EDA: variants seen among roughly 807,000 people sequenced by gnomAD.
EDA encodes ectodysplasin-A.
EDA carries 2 observed loss-of-function variants against 23.6 expected under a neutral mutation model. The observed-to-expected ratio is 0.08, with a 90% CI of 0.03 to 0.27. EDA has a LOEUF of 0.27. EDA is among the 10% of genes least tolerant of loss of function. EDA has a pLI of 1.00. For missense variants in EDA, 229 were observed against 324.2 expected (o/e 0.71, Z 2.26); for synonymous variants, 131 against 132.0 (o/e 0.99, Z 0.05).
At chrX:69,895,365 C>T (rs1260814097) in intron 1 of EDA, among the ~76,000 whole-genome samples, 2 of 103,563 alleles carry the variant, frequency 1.9e-5, no homozygotes, top group Admixed American at 2.1e-4. Context: ...TCCTCCTCAC[C>T]CCATCCCTTC....
intron 1 of EDA, among the ~76,000 whole-genome samples, chrX:69,903,668 T>C (rs1430818938): frequency 9.1e-6 from 1 of 109,803 alleles, no homozygotes; most frequent in Non-Finnish European, 1.9e-5. Context: ...TTTTTCTGCT[T>C]TGAAGCCACA....
intron 2 of EDA, among the ~76,000 whole-genome samples, chrX:69,983,165 T>C (rs1413238981): frequency 0.025 from 1,400 of 56,844 alleles, 21 homozygotes; most frequent in Non-Finnish European, 0.035. Context: ...GCACGTGAGA[T>C]GAGTTTCCTG....
chrX:69,960,175 T>C (rs1291796809), intron 2 of EDA, among the ~76,000 whole-genome samples: 1 of 111,401 alleles, frequency 9.0e-6, no homozygotes, highest in Non-Finnish European at 1.9e-5. Flanking sequence ...GAAGAATCTT[T>C]AGGAGAGTAT....
At chrX:69,838,162 T>C (rs2016819473) in intron 1 of EDA, among the ~76,000 whole-genome samples, 1 of 112,636 alleles carries the variant, frequency 8.9e-6, no homozygotes, top group Non-Finnish European at 1.9e-5. Context: ...GAACTCTGTT[T>C]CATCTACTGT....
intron 3 of EDA, among the ~76,000 whole-genome samples, chrX:70,024,033 G>C (rs1009817944): frequency 8.9e-6 from 1 of 112,156 alleles, no homozygotes; most frequent in Non-Finnish European, 1.9e-5. Flanking sequence ...ACAGGGCCAG[G>C]CAATATGGTC....
At chrX:69,873,091 C>T (rs2017591315) in intron 1 of EDA, among the ~76,000 whole-genome samples, 1 of 111,817 alleles carries the variant, frequency 8.9e-6, no homozygotes, top group Non-Finnish European at 1.9e-5. Flanking sequence ...ACTCCAAAAG[C>T]AACCCTCAAA....
At chrX:69,876,904 A>C (rs1178615130) in intron 1 of EDA, among the ~76,000 whole-genome samples, 1 of 112,735 alleles carries the variant, frequency 8.9e-6, no homozygotes, top group African/African-American at 3.2e-5. Context: ...ACATTTATTT[A>C]TGGGGTTTTG....
chrX:69,839,364 A>G (rs150505738), intron 1 of EDA, among the ~76,000 whole-genome samples: 162 of 111,678 alleles, frequency 1.5e-3, no homozygotes, highest in African/African-American at 5.1e-3. Flanking sequence ...TTCCTACCCT[A>G]TATCCCCAGC....
Position 70,023,253 on chromosome X carries a change from A to G in EDA, c.526+12A>G. 2 of 1,112,125 alleles carry G rather than the reference A, an allele frequency of 1.8e-6. No homozygotes were observed. Among genetic ancestry groups the G allele is most frequent in the South Asian group, 1.9e-5 (1 of 52,094 alleles). 91.7% of individuals were successfully genotyped at this position (1,112,125 alleles called of 1,213,427 possible). ...AAACAAGAAAAAGGGTAAGTTCCTG[A>G]CTTTATAAAATTGCTGTCTTGTCAT... On this transcript the variant is annotated intron_variant, in intron 3 of 7. Coordinates refer to ENST00000374552, the MANE Select transcript of EDA (RefSeq NM_001399.5).
chrX:69,622,495 G>A (rs1399635918), intron 1 of EDA, among the ~76,000 whole-genome samples: 1 of 111,795 alleles, frequency 8.9e-6, no homozygotes, highest in African/African-American at 3.3e-5. Context: ...TGTTTATTAT[G>A]CATTTGCATA....
intron 1 of EDA, among the ~76,000 whole-genome samples, chrX:69,679,163 G>A (rs1172549309): frequency 1.8e-5 from 2 of 109,279 alleles, no homozygotes; most frequent in African/African-American, 6.7e-5. Flanking sequence ...TGCATCCCAG[G>A]GATGAAGCCC....
intron 1 of EDA, among the ~76,000 whole-genome samples, chrX:69,855,946 T>A: frequency 9.0e-6 from 1 of 110,884 alleles, no homozygotes; most frequent in Non-Finnish European, 1.9e-5. Flanking sequence ...TTTGGTTACG[T>A]GGATAAGTCC....
intron 1 of EDA, chrX:69,743,050 A>T (rs774955081): frequency 9.0e-6 from 1 of 111,026 alleles, no homozygotes; most frequent in African/African-American, 3.3e-5. Context: ...CCCACCGGTT[A>T]AGGCAAGTCA....
At chrX:69,942,792 T>G (rs1014863762) in intron 1 of EDA, among the ~76,000 whole-genome samples, 1 of 111,376 alleles carries the variant, frequency 9.0e-6, no homozygotes, top group Non-Finnish European at 1.9e-5. Context: ...TGCCCTGATC[T>G]CTCTCTATCT....
At chrX:69,874,438 C>T (rs771478841) in intron 1 of EDA, among the ~76,000 whole-genome samples, 60 of 112,217 alleles carry the variant, frequency 5.3e-4, no homozygotes, top group African/African-American at 1.7e-3. Context: ...TGACAAAATC[C>T]ATCATCCCTT....
chrX:69,787,968 T>G (rs1348060074), intron 1 of EDA, among the ~76,000 whole-genome samples: 1 of 111,790 alleles, frequency 8.9e-6, no homozygotes, highest in Non-Finnish European at 1.9e-5. Context: ...TAGTCCCATA[T>G]TTCTTGGAGG....
chrX:69,618,102 T>A (rs1181887526), intron 1 of EDA, among the ~76,000 whole-genome samples: 1 of 111,797 alleles, frequency 8.9e-6, no homozygotes, highest in African/African-American at 3.3e-5. Flanking sequence ...ACTCCTTTAT[T>A]TATCTACTGC....
chrX:69,803,749 G>C (rs1025543834), intron 1 of EDA, among the ~76,000 whole-genome samples: 5 of 110,031 alleles, frequency 4.5e-5, no homozygotes, highest in African/African-American at 1.6e-4. Context: ...TAGAATACTA[G>C]AACTTATTCT....
intron 1 of EDA, among the ~76,000 whole-genome samples, chrX:69,682,642 G>A (rs921186600): frequency 3.4e-4 from 38 of 111,918 alleles, no homozygotes; most frequent in Admixed American, 3.1e-3. Flanking sequence ...TGACCCCTTG[G>A]GCTTCCCGAG....
Sources: allele counts gnomAD v4.1 joint callset (sites outside exome capture counted in the v4.1 genomes callset), GRCh38; gene constraint gnomAD v4.1.1; transcripts MANE v1.5; gene names NCBI Gene and HGNC (gene_info 2026-07-23, HGNC 2026-07-21).